Variants in SLC20A1 observed in about 807,000 individuals in gnomAD.
The protein encoded by SLC20A1 is sodium-dependent phosphate transporter 1.
SLC20A1 carries 28 observed loss-of-function variants against 62.7 expected under a neutral mutation model. The observed-to-expected ratio is 0.45, with a 90% CI of 0.33 to 0.61. SLC20A1 has a LOEUF of 0.61. SLC20A1 is among the 20% of genes least tolerant of loss of function. The pLI, the probability that SLC20A1 is intolerant of heterozygous loss-of-function variation, is 0.02. For missense variants in SLC20A1, 673 were observed against 838.6 expected (o/e 0.80, Z 2.44); for synonymous variants, 305 against 302.9 (o/e 1.01, Z -0.07).
chr2:112,647,639 G>A lies in SLC20A1; in HGVS notation c.476-14G>A. ...TCATTATTTGATATTTTTTCTTAAT[G>A]TGTTCTATTCCAGTGATGTCTTGGT... On this transcript the variant is annotated splice_polypyrimidine_tract_variant and intron_variant, in intron 3 of 10. Transcript: ENST00000272542. The A allele has an allele frequency of 6.2e-7, 1 of 1,600,710 alleles. No individual in the cohort carries two copies. The highest frequency in any genetic ancestry group is 8.6e-7 in the Non-Finnish European group (1 of 1,169,030).
rs376550343 is a variant in SLC20A1 at position 112,647,754 on chromosome 2, C to T, written c.561+16C>T. The T allele has an allele frequency of 3.6e-5, 57 of 1,586,444 alleles. No individual in the cohort carries two copies. In the African/African-American group the frequency reaches 3.6e-4, roughly 10 times the overall value. ...CCTCCATAAGGTAACCTTTCTCCCC[C>T]GTATGAAGACCTTTCATGGAGCACA... On this transcript the variant is annotated intron_variant, in intron 4 of 10. Transcript: ENST00000272542.
At chr2:112,660,277 G>A (rs1463767010) in intron 8 of SLC20A1, 110 bp from the exon 9 acceptor site, 2 of 915,526 alleles carry the variant, frequency 2.2e-6, no homozygotes, top group African/African-American at 1.7e-5. Context: ...TTTGCCAGAT[G>A]AGCTTGAAAG....
intron 5 of SLC20A1, among the ~76,000 whole-genome samples, chr2:112,656,055 CA>C (rs1686575894): frequency 6.6e-6 from 1 of 152,028 alleles, no homozygotes; most frequent in Admixed American, 6.6e-5. Flanking sequence ...TACTGGCGTG[CA>C]TATGACAGTC....
At position 112,646,077 on chromosome 2, in the gene SLC20A1, A is replaced by T. The variant is rs1236364088; in HGVS notation, c.-319A>T. On this transcript the variant is annotated 5_prime_UTR_variant, in exon 1 of 11. Coordinates refer to ENST00000272542, the MANE Select transcript of SLC20A1 (RefSeq NM_005415.5). ...ACCCGGGCCGTGTGCCCGTGGCTCC[A>T]GCCGCTGTCGCCTCGATCTCCTCGT... 6.6e-6 allele frequency: 1 copy of T among 152,484 alleles called. No homozygotes were observed. The highest frequency in any genetic ancestry group is 1.5e-5 in the Non-Finnish European group (1 of 68,450). 9.4% of individuals were successfully genotyped at this position (152,484 alleles called of 1,614,324 possible).
At chr2:112,649,259 G>A (rs1317162722) in intron 4 of SLC20A1, among the ~76,000 whole-genome samples, 2 of 152,192 alleles carry the variant, frequency 1.3e-5, no homozygotes, top group Non-Finnish European at 2.9e-5. Flanking sequence ...TCCTATATGG[G>A]TATGGGAATG....
At chr2:112,646,326 T>A (rs911739218) in intron 1 of SLC20A1, among the ~76,000 whole-genome samples, 197 bp downstream of exon 1, 7 of 151,742 alleles carry the variant, frequency 4.6e-5, no homozygotes, top group African/African-American at 1.7e-4. Flanking sequence ...ACGGCCCTTT[T>A]CCGATTTTCG....
At chr2:112,650,242 T>A (rs575528683) in intron 4 of SLC20A1, among the ~76,000 whole-genome samples, 2 of 152,174 alleles carry the variant, frequency 1.3e-5, no homozygotes, top group African/African-American at 4.8e-5. Flanking sequence ...TTACGAAATA[T>A]CTTTGAAAAT....
Position 112,659,763 on chromosome 2 carries a change from G to A in SLC20A1, c.1607+1G>A. ...TCGCCCATGGTGGCAATGACGTAAG[G>A]TCAGTTGACATTGATCTTAGTGTTG... On this transcript the variant is annotated splice_donor_variant, in intron 8 of 10. Transcript: ENST00000272542. LOFTEE classifies it high-confidence loss of function. 1 of 1,608,236 alleles carries A rather than the reference G, an allele frequency of 6.2e-7. No individual in the cohort carries two copies. The highest frequency in any genetic ancestry group is 8.5e-7 in the Non-Finnish European group (1 of 1,176,056).
Position 112,646,793 on chromosome 2 carries a change from A to G in SLC20A1, c.-36A>G, listed in dbSNP as rs750323514. On this transcript the variant is annotated 5_prime_UTR_variant, in exon 2 of 11. Transcript: ENST00000272542. Reference sequence around the variant, plus strand: ...TGTTTACACATCTTGAAAGGCGCTCAGTAGTTCTCTTACTAAACAACCACT... The same window carrying G: ...TGTTTACACATCTTGAAAGGCGCTCGGTAGTTCTCTTACTAAACAACCACT... 1.4e-6 allele frequency: 2 copies of G among 1,480,326 alleles called. No individual in the cohort carries two copies. Among genetic ancestry groups the G allele is most frequent in the South Asian group, 1.2e-5 (1 of 85,114 alleles). The allele number at this position is 1,480,326 out of a possible 1,614,324, so 91.7% of individuals were successfully genotyped here.
intron 5 of SLC20A1, among the ~76,000 whole-genome samples, chr2:112,655,248 C>T (rs868205298): frequency 6.6e-6 from 1 of 151,750 alleles, no homozygotes; most frequent in East Asian, 2.0e-4. Flanking sequence ...GGATTACAGG[C>T]GTGAGCTGCC....
At chr2:112,648,975 G>A (rs932277072) in intron 4 of SLC20A1, among the ~76,000 whole-genome samples, 1 of 152,216 alleles carries the variant, frequency 6.6e-6, no homozygotes, top group African/African-American at 2.4e-5. Flanking sequence ...AGAGTCAGAA[G>A]CATTAGTAGG....
chr2:112,651,419 T>C (rs1686432014), intron 4 of SLC20A1, among the ~76,000 whole-genome samples: 4 of 152,062 alleles, frequency 2.6e-5, no homozygotes, highest in Admixed American at 2.6e-4. Flanking sequence ...TTTTTTTTTT[T>C]CTGAGATGGA....
At chr2:112,654,382 G>A (rs1686528108) in intron 5 of SLC20A1, among the ~76,000 whole-genome samples, 1 of 152,194 alleles carries the variant, frequency 6.6e-6, no homozygotes, top group Non-Finnish European at 1.5e-5. Flanking sequence ...GCTCAGAGAT[G>A]AGTGAAATTA....
At chr2:112,660,887 CAAAAT>C (rs1217861869) in intron 9 of SLC20A1, 4 of 492,078 alleles carry the variant, frequency 8.1e-6, no homozygotes, top group Non-Finnish European at 1.4e-5. Context: ...CCAAACTCTT[CAAAAT>C]AAAAGTGCAA....
intron 10 of SLC20A1, 137 bp from the exon 11 acceptor site, chr2:112,662,727 C>T: frequency 1.3e-6 from 1 of 750,564 alleles, no homozygotes; most frequent in Non-Finnish European, 2.1e-6. Context: ...CCAGCTTAAC[C>T]TGTTGTAAAC....
At chr2:112,659,814 C>G (rs748698962) in intron 8 of SLC20A1, 52 bp downstream of exon 8, 1 of 1,499,246 alleles carries the variant, frequency 6.7e-7, no homozygotes, top group East Asian at 2.3e-5. Context: ...AACCATTTAT[C>G]CTTGTCACAG....
At chr2:112,660,002 G>A (rs58662040) in intron 8 of SLC20A1, among the ~76,000 whole-genome samples, 43,233 of 152,144 alleles carry the variant, frequency 0.28, 7,083 homozygotes, top group East Asian at 0.79. Context: ...TCACAGAGAA[G>A]GCTTTTGTCC....
In SLC20A1 at chr2:112,657,017, G is replaced by A. The variant is rs756744877; in HGVS notation, c.659-105G>A. ...AAATCTGGCAGCAGCTGTCAGGGGT[G>A]ATGGGCTGGTATGGGGAACCCCTCA... On this transcript the variant is annotated intron_variant, in intron 5 of 10. Coordinates refer to ENST00000272542, the MANE Select transcript of SLC20A1 (RefSeq NM_005415.5). The A allele has an allele frequency of 1.7e-5, 23 of 1,327,432 alleles. No individual in the cohort carries two copies. The South Asian group carries it at 2.6e-4, about 15-fold the overall frequency. 82.2% of individuals were successfully genotyped at this position (1,327,432 alleles called of 1,614,324 possible). A position where few individuals can be genotyped will look rare whatever the true frequency, so the allele number is the denominator to read the frequency against.
intron 6 of SLC20A1, 123 bp downstream of exon 6, chr2:112,657,364 AG>A (rs1686619807): frequency 9.8e-7 from 1 of 1,024,232 alleles, no homozygotes; most frequent in Admixed American, 2.6e-5. Flanking sequence ...GGGAAATTTG[AG>A]GATATGGGTT....
Sources: allele counts gnomAD v4.1 joint callset (sites outside exome capture counted in the v4.1 genomes callset), GRCh38; gene constraint gnomAD v4.1.1; transcripts MANE v1.5; gene names NCBI Gene and HGNC (gene_info 2026-07-23, HGNC 2026-07-21).